SYT14: variants seen among roughly 807,000 people sequenced by gnomAD.
SYT14 encodes synaptotagmin 14, also known as synaptotagmin-14.
A neutral mutation model predicts 74.2 loss-of-function variants in SYT14; 32 were observed. That is an observed-to-expected ratio of 0.43 (90% CI 0.33 to 0.58). The LOEUF (loss-of-function observed/expected upper bound fraction) is 0.58. Ranked by LOEUF, SYT14 falls within the 20% of genes least tolerant of loss-of-function variation. SYT14 has a pLI of 0.05. For synonymous variants in SYT14, 298 were observed against 337.7 expected (o/e 0.88, Z 1.29); for missense variants, 791 against 981.8 (o/e 0.81, Z 2.60).
At chr1:210,162,972 A>C (rs775245625) in exon 10 of SYT14, 47 of 452,670 alleles carry the variant, frequency 1.0e-4, no homozygotes, top group Admixed American at 5.9e-4. Flanking sequence ...CCTGAATCAA[A>C]TGGCAAAATA....
intron 7 of SYT14, among the ~76,000 whole-genome samples, chr1:210,102,469 G>T: frequency 6.6e-6 from 1 of 151,702 alleles, no homozygotes; most frequent in African/African-American, 2.4e-5. Flanking sequence ...GCTATCAGTT[G>T]TTTAGTCATT....
intron 2 of SYT14, among the ~76,000 whole-genome samples, chr1:210,008,630 C>T (rs143440219): frequency 0.025 from 3,848 of 152,052 alleles, 173 homozygotes; most frequent in African/African-American, 0.087. Context: ...CCCAAAGTGC[C>T]GGGATTACAG....
intron 6 of SYT14, 60 bp downstream of exon 5, chr1:210,094,653 G>T: frequency 6.4e-7 from 1 of 1,556,736 alleles, no homozygotes; most frequent in Non-Finnish European, 8.9e-7. Context: ...ATAATCCTGT[G>T]CTTCTCCTCT....
chr1:210,169,023 C>T (rs1480878513), exon 10 of SYT14: 1 of 152,042 alleles, frequency 6.6e-6, no homozygotes, highest in Admixed American at 6.6e-5. Flanking sequence ...ATATTCTCTC[C>T]TTTTGGTGTC....
chr1:209,945,509 A>C (rs555379526), intron 1 of SYT14, among the ~76,000 whole-genome samples: 1 of 152,232 alleles, frequency 6.6e-6, no homozygotes, highest in Non-Finnish European at 1.5e-5. Context: ...TGTACAGTGT[A>C]GGTGTCTGCA....
chr1:210,051,636 A>G (rs1397108309), intron 5 of SYT14, among the ~76,000 whole-genome samples: 8 of 152,110 alleles, frequency 5.3e-5, no homozygotes, highest in African/African-American at 1.9e-4. Context: ...AATACTACAT[A>G]TGTGTGTATG....
rs2081029769 is a variant in SYT14, at chr1:210,052,945, A to G, written c.1312+31691A>G. On this transcript the variant is annotated intron_variant, in intron 5 of 9. Coordinates refer to ENST00000637265, the Ensembl canonical transcript of SYT14. ...TATTAAATGCCAAGATCATTCTGCC[A>G]TATTCTCTACATTTTCTTATGACTA... Among the ~76,000 whole-genome samples, 2 of 152,248 alleles carry G rather than the reference A, an allele frequency of 1.3e-5. 1 individual carries two copies. Among genetic ancestry groups the G allele is most frequent in the Admixed American group, 1.3e-4 (2 of 15,294 alleles).
chr1:210,093,635 A>T (rs1287591832), intron 5 of SYT14, among the ~76,000 whole-genome samples: 1 of 152,214 alleles, frequency 6.6e-6, no homozygotes. Flanking sequence ...AGATGGAGTC[A>T]TAATTTATAA....
At chr1:210,114,939 A>G (rs1016562296) in intron 7 of SYT14, among the ~76,000 whole-genome samples, 1 of 151,066 alleles carries the variant, frequency 6.6e-6, no homozygotes, top group African/African-American at 2.5e-5. Context: ...AGACTTAGCA[A>G]TGCTTAGGGT....
At chr1:209,952,980 T>A in intron 2 of SYT14, 1 of 1,376,692 alleles carries the variant, frequency 7.3e-7, no homozygotes, top group Non-Finnish European at 9.8e-7. Context: ...TAATAAAGCC[T>A]GGTTTCTAGC....
chr1:210,053,864 G>A (rs2743892), intron 5 of SYT14, among the ~76,000 whole-genome samples: 16,616 of 151,798 alleles, frequency 0.11, 1,213 homozygotes, highest in Non-Finnish European at 0.15. Context: ...TTCTCATTTT[G>A]GTATAAAGCC....
chr1:210,161,046 A>G (rs1260379129), exon 10 of SYT14: 1 of 1,613,402 alleles, frequency 6.2e-7, no homozygotes, highest in Non-Finnish European at 8.5e-7. Context: ...GTCATGATGA[A>G]TAGAATAAGC....
At chr1:210,002,005 A>C (rs2079909508) in intron 2 of SYT14, among the ~76,000 whole-genome samples, 1 of 152,214 alleles carries the variant, frequency 6.6e-6, no homozygotes, top group Non-Finnish European at 1.5e-5. Flanking sequence ...TGAAGGGCTC[A>C]TTCTGGACAC....
chr1:210,015,676 T>G (rs1217342878), intron 3 of SYT14: 1 of 188,530 alleles, frequency 5.3e-6, no homozygotes, highest in Non-Finnish European at 1.1e-5. Flanking sequence ...TTATACTTCT[T>G]TTTTCAGGTG....
chr1:210,058,361 G>T (rs1455528496), intron 5 of SYT14, among the ~76,000 whole-genome samples: 1 of 152,206 alleles, frequency 6.6e-6, no homozygotes, highest in East Asian at 1.9e-4. Context: ...TGTGGTTACA[G>T]CTCTTCTGCC....
At chr1:210,017,879 T>G (rs998931997) in intron 4 of SYT14, among the ~76,000 whole-genome samples, 3 of 152,200 alleles carry the variant, frequency 2.0e-5, no homozygotes, top group Non-Finnish European at 4.4e-5. Flanking sequence ...TACACTGGCT[T>G]TTATTTATAA....
chr1:210,114,945 A>C (rs2082329986), intron 7 of SYT14, among the ~76,000 whole-genome samples: 1 of 151,108 alleles, frequency 6.6e-6, no homozygotes, highest in Non-Finnish European at 1.5e-5. Flanking sequence ...AGCAATGCTT[A>C]GGGTTGGGAC....
intron 5 of SYT14, among the ~76,000 whole-genome samples, chr1:210,034,532 C>T (rs2080613251): frequency 6.6e-6 from 1 of 151,582 alleles, no homozygotes; most frequent in African/African-American, 2.4e-5. Flanking sequence ...TTTAGTGTAA[C>T]CATTACCCAA....
At chr1:210,159,562 A>AC (rs1264182470) in intron 9 of SYT14, 85 bp downstream of exon 8, 45 of 1,211,808 alleles carry the variant, frequency 3.7e-5, no homozygotes, top group Non-Finnish European at 5.1e-5. Flanking sequence ...GAAGCTGTCC[A>AC]CCATGTTGGT....
Sources: gnomAD v4.1 joint callset for allele counts (sites outside exome capture counted in the v4.1 genomes callset) on GRCh38, gnomAD v4.1.1 for gene constraint, MANE v1.5 for transcripts, NCBI Gene and HGNC (gene_info 2026-07-23, HGNC 2026-07-21) for gene names.